RAD17: variants seen among roughly 807,000 people sequenced by gnomAD.
The protein encoded by RAD17 is cell cycle checkpoint protein RAD17.
Under a neutral mutation model 81.5 loss-of-function variants are expected in RAD17, and 31 were observed. The observed-to-expected ratio is 0.38, with a 90% CI of 0.29 to 0.51. The LOEUF (loss-of-function observed/expected upper bound fraction) is 0.51. RAD17 is among the 20% of genes least tolerant of loss of function. The pLI is 0.88. For missense variants in RAD17, 681 were observed against 781.2 expected, an observed-to-expected ratio of 0.87 and a Z score of 1.53; for synonymous variants, 261 against 266.2, an observed-to-expected ratio of 0.98 and a Z score of 0.19.
intron 11 of RAD17, 47 bp downstream of exon 11, chr5:69,386,512 T>C: frequency 6.7e-7 from 1 of 1,493,648 alleles, no homozygotes; most frequent in Non-Finnish European, 8.9e-7. Context: ...ATAGAAAGCC[T>C]AGCTTAAATA....
chr5:69,381,624 T>G (rs1297728343), intron 6 of RAD17, among the ~76,000 whole-genome samples: 4 of 152,152 alleles, frequency 2.6e-5, no homozygotes, highest in Non-Finnish European at 4.4e-5. Context: ...ATTGAGAAAT[T>G]ATCAGAAGCG....
Position 69,386,225 on chromosome 5 carries a change from G to A in RAD17, c.744G>A (p.Ser248=), listed in dbSNP as rs761803863. Residue 248 remains serine (S), a synonymous_variant, in exon 10 of 19, where the codon TCG becomes TCA. Transcript: ENST00000354868. ...GATGTCCTCTTATATTTATAATCTC[G>A]GACAGTCTCAGTGGAGATAATAATC... is the stretch of plus-strand genomic sequence containing the variant. ...IGRCPLIFII[S]DSLSGDNNQR... The A allele has an allele frequency of 2.4e-5, 38 of 1,608,004 alleles. No individual in the cohort carries two copies. Among genetic ancestry groups the A allele is most frequent in the Middle Eastern group, 1.7e-4 (1 of 6,034 alleles).
intron 16 of RAD17, among the ~76,000 whole-genome samples, chr5:69,398,990 T>A (rs1765078394): frequency 6.6e-6 from 1 of 150,932 alleles, no homozygotes; most frequent in East Asian, 1.9e-4. Context: ...CTGGGCAATA[T>A]GGTGAAACCC....
At chr5:69,405,689 T>C (rs1765555817) in intron 17 of RAD17, among the ~76,000 whole-genome samples, 1 of 150,390 alleles carries the variant, frequency 6.6e-6, no homozygotes, top group African/African-American at 2.4e-5. Flanking sequence ...AAAAAAAAAC[T>C]CTAAAAATAG....
intron 17 of RAD17, among the ~76,000 whole-genome samples, chr5:69,401,909 C>T (rs1240767396): frequency 3.0e-5 from 4 of 131,478 alleles, no homozygotes; most frequent in East Asian, 2.6e-4. Flanking sequence ...GAGGCTGAGG[C>T]GGGAGAATGG....
upstream of RAD17, chr5:69,369,447 G>A (rs757971990): frequency 1.2e-6 from 2 of 1,609,948 alleles, no homozygotes; most frequent in East Asian, 2.2e-5. Flanking sequence ...AGTCCCTCCC[G>A]GCCGCGCGCC....
At chr5:69,404,336 G>A (rs1451167123) in intron 17 of RAD17, among the ~76,000 whole-genome samples, 3 of 152,142 alleles carry the variant, frequency 2.0e-5, no homozygotes, top group African/African-American at 7.2e-5. Context: ...GAAAATATTT[G>A]TAAATTATAC....
rs760845847 is a variant in RAD17 at position 69,371,559 on chromosome 5, T to G, written c.-176+2T>G. On this transcript the variant is annotated splice_donor_variant, in intron 3 of 18. Transcript: ENST00000354868. LOFTEE classifies it low-confidence loss of function (5UTR_SPLICE). ...AGACCAAAGGTATCTTCCACAAAGG[T>G]ATGATACACTGGAATGGCCATGTAA... The G allele has an allele frequency of 7.0e-7, 1 of 1,424,274 alleles. No homozygotes were observed. The highest frequency in any genetic ancestry group is 9.4e-7 in the Non-Finnish European group (1 of 1,068,054). The allele number at this position is 1,424,274 out of a possible 1,614,324, so 88.2% of individuals were successfully genotyped here. A position where few individuals can be genotyped will look rare whatever the true frequency, so the allele number is the denominator to read the frequency against.
rs576431906 is a variant in RAD17 at position 69,371,214 on chromosome 5, A to G, written c.-280+43A>G. On this transcript the variant is annotated intron_variant, in intron 2 of 18. Coordinates refer to ENST00000354868, the MANE Select transcript of RAD17 (RefSeq NM_133338.3). ...GTGGTTTTTTTGTTTTTTTTTTTCTAATACATCATTGAGTTCATGTGAAAA... is the reference window on the plus strand; with the variant it reads ...GTGGTTTTTTTGTTTTTTTTTTTCTGATACATCATTGAGTTCATGTGAAAA... The G allele has an allele frequency of 5.8e-6, 3 of 519,770 alleles. No homozygotes were observed. The Admixed American group carries it at 7.4e-5, about 13-fold the overall frequency. 32.2% of individuals were successfully genotyped at this position (519,770 alleles called of 1,614,324 possible). A position where few individuals can be genotyped will look rare whatever the true frequency, so the allele number is the denominator to read the frequency against.
At chr5:69,374,478 T>G in intron 5 of RAD17, 150 bp from the exon 6 acceptor site, 1 of 550,528 alleles carries the variant, frequency 1.8e-6, no homozygotes, top group Non-Finnish European at 3.2e-6. Context: ...GTATAAAAAT[T>G]CAAGTATAAT....
chr5:69,374,855 G>T, intron 6 of RAD17, 144 bp downstream of exon 6: 1 of 679,554 alleles, frequency 1.5e-6, no homozygotes, highest in Non-Finnish European at 2.5e-6. Flanking sequence ...GTGGGGCATG[G>T]TGACTCATGC....
intron 17 of RAD17, among the ~76,000 whole-genome samples, chr5:69,407,138 A>T (rs1677833877): frequency 6.6e-6 from 1 of 151,584 alleles, no homozygotes; most frequent in Admixed American, 6.6e-5. Context: ...GAGTAGCTTG[A>T]ATTACAGGCG....
In RAD17 at chr5:69,379,657, T is replaced by A. The variant is rs539562964; in HGVS notation, c.352-2244T>A. 1.2e-4 allele frequency among the ~76,000 whole-genome samples: 18 copies of A among 152,100 alleles called. No individual in the cohort carries two copies. The East Asian group carries it at 1.5e-3, about 13-fold the overall frequency. The stretch of plus-strand genomic sequence containing the variant: ...AATTTTTTTTGTATTTAAAAAAAAA[T>A]TTTTAAGCTTCTTTTAAAATTAGAA... On this transcript the variant is annotated intron_variant, in intron 6 of 18. Transcript: ENST00000354868.
intron 16 of RAD17, among the ~76,000 whole-genome samples, chr5:69,397,411 G>T (rs1580414881): frequency 6.6e-6 from 1 of 152,132 alleles, no homozygotes; most frequent in African/African-American, 2.4e-5. Flanking sequence ...CAAAGTGCTG[G>T]GATTACAGGC....
At chr5:69,395,583 A>G (rs1475141282) in intron 15 of RAD17, among the ~76,000 whole-genome samples, 5 of 152,176 alleles carry the variant, frequency 3.3e-5, no homozygotes, top group Non-Finnish European at 7.4e-5. Context: ...TGCTTGAGGT[A>G]ATGGATACCC....
intron 12 of RAD17, among the ~76,000 whole-genome samples, chr5:69,390,976 G>A (rs536195811): frequency 1.2e-3 from 183 of 150,118 alleles, no homozygotes; most frequent in African/African-American, 4.3e-3. Flanking sequence ...GGCCGGGCAT[G>A]GTGGCTCATG....
At chr5:69,369,807 C>T (rs1051596867), upstream of RAD17, 9 of 1,196,388 alleles carry the variant, frequency 7.5e-6, no homozygotes, top group African/African-American at 1.6e-5. Context: ...CTGGAAGGTC[C>T]CCGGGAGGCC....
In RAD17 at chr5:69,377,600, T is replaced by TATATATGC. The variant is rs1554038760; in HGVS notation, c.351+2895_351+2896insGCATATAT. Among the ~76,000 whole-genome samples, 8 of 7,110 alleles carry TATATATGC rather than the reference T, an allele frequency of 1.1e-3. 1 individual carries two copies. Among genetic ancestry groups the TATATATGC allele is most frequent in the Non-Finnish European group, 4.8e-3 (7 of 1,456 alleles). The allele number at this position is 7,110 out of a possible 152,430, so 4.7% of individuals were successfully genotyped here. ...ATATATGTATACATATATATATGCA[T>TATATATGC]ATATATATGTATACATATATATGCA... On this transcript the variant is annotated intron_variant, in intron 6 of 18. Transcript: ENST00000354868.
intron 16 of RAD17, among the ~76,000 whole-genome samples, chr5:69,396,797 T>C (rs1481509046): frequency 6.6e-6 from 1 of 152,150 alleles, no homozygotes; most frequent in Non-Finnish European, 1.5e-5. Flanking sequence ...TTCAGTTTTA[T>C]TGGAATCAAA....
Sources: allele counts gnomAD v4.1 joint callset (sites outside exome capture counted in the v4.1 genomes callset), GRCh38; gene constraint gnomAD v4.1.1; transcripts MANE v1.5; gene names NCBI Gene and HGNC (gene_info 2026-07-23, HGNC 2026-07-21).